The following NAALADL2 variants were observed in gnomAD, a reference collection of about 807,000 sequenced individuals.
The protein encoded by NAALADL2 is N-acetylated alpha-linked acidic dipeptidase like 2.
In NAALADL2, 76 loss-of-function variants were observed where a neutral mutation model predicts 87.2. That is an observed-to-expected ratio of 0.87 (90% CI 0.72 to 1.05). The LOEUF (loss-of-function observed/expected upper bound fraction) is 1.05. NAALADL2 is among the 50% of genes least tolerant of loss of function. NAALADL2 has a pLI of 0.00. For synonymous variants in NAALADL2, 354 were observed against 331.0 expected, an observed-to-expected ratio of 1.07 and a Z score of -0.75; for missense variants, 1,089 against 945.8, an observed-to-expected ratio of 1.15 and a Z score of -1.99.
At chr3:175,200,055 C>T (rs113129828) in intron 2 of NAALADL2, among the ~76,000 whole-genome samples, 40 of 151,242 alleles carry the variant, frequency 2.6e-4, no homozygotes, top group African/African-American at 9.5e-4. Context: ...GATTCTGTCT[C>T]TTTCAAAGGC....
chr3:174,935,403 A>T (rs1208873318), intron 1 of NAALADL2, among the ~76,000 whole-genome samples: 1 of 152,208 alleles, frequency 6.6e-6, no homozygotes, highest in Admixed American at 6.5e-5. Context: ...GTGACCAATT[A>T]AAAAGAAAAA....
At chr3:174,589,466 C>T (rs981944221) in intron 2 of NAALADL2, among the ~76,000 whole-genome samples, 3 of 152,300 alleles carry the variant, frequency 2.0e-5, no homozygotes, top group Admixed American at 6.5e-5. Flanking sequence ...ATGCTGGGAG[C>T]TGTAGACTGG....
At chr3:175,624,762 T>A (rs1196409176) in intron 10 of NAALADL2, among the ~76,000 whole-genome samples, 1 of 152,164 alleles carries the variant, frequency 6.6e-6, no homozygotes, top group South Asian at 2.1e-4. Context: ...ATGTATTTTA[T>A]TGGCATATAA....
chr3:174,815,081 T>A (rs1423298056), intron 3 of NAALADL2, among the ~76,000 whole-genome samples: 2 of 152,162 alleles, frequency 1.3e-5, no homozygotes, highest in Non-Finnish European at 2.9e-5. Flanking sequence ...AAACAAACTA[T>A]GTTAAAGGTC....
intron 2 of NAALADL2, among the ~76,000 whole-genome samples, chr3:174,593,112 C>T (rs1717548813): frequency 6.6e-6 from 1 of 152,070 alleles, no homozygotes. Context: ...TCAGAATTGT[C>T]AAATATATTC....
At chr3:175,262,257 C>T (rs1751161098) in intron 4 of NAALADL2, among the ~76,000 whole-genome samples, 1 of 151,972 alleles carries the variant, frequency 6.6e-6, no homozygotes, top group Admixed American at 6.6e-5. Context: ...TTACATGAAG[C>T]ATTTGCATAC....
chr3:175,552,405 G>A (rs963189035), intron 9 of NAALADL2, among the ~76,000 whole-genome samples: 1 of 152,214 alleles, frequency 6.6e-6, no homozygotes, highest in African/African-American at 2.4e-5. Flanking sequence ...TTAGTAGTTT[G>A]CAAATGACTA....
At chr3:175,060,742 G>A (rs1713272960) in intron 1 of NAALADL2, among the ~76,000 whole-genome samples, 1 of 152,144 alleles carries the variant, frequency 6.6e-6, no homozygotes, top group South Asian at 2.1e-4. Context: ...CAAGCTGACT[G>A]TGAGTTTATA....
In NAALADL2 at chr3:174,480,520, C is replaced by G. The variant is rs1208121590; in HGVS notation, c.-184+39488C>G. Among the ~76,000 whole-genome samples, 6 of 152,084 alleles carry G rather than the reference C, an allele frequency of 3.9e-5. No homozygotes were observed. The East Asian group carries it at 1.2e-3, about 29-fold the overall frequency. ...TTATTTAATACTATATATGATTTTA[C>G]TCTAGGAATATGTACATCTCCAAAA... On this transcript the variant is annotated intron_variant, in intron 1 of 3. Coordinates refer to the NAALADL2 transcript ENST00000434257.
At chr3:175,215,001 G>C (rs1456347463) in intron 2 of NAALADL2, among the ~76,000 whole-genome samples, 1 of 152,026 alleles carries the variant, frequency 6.6e-6, no homozygotes, top group Admixed American at 6.6e-5. Context: ...AAACTATACG[G>C]ACTAATTTTT....
chr3:175,234,263 T>G, intron 3 of NAALADL2, 59 bp downstream of exon 3: 2 of 1,527,552 alleles, frequency 1.3e-6, no homozygotes, highest in Non-Finnish European at 1.8e-6. Flanking sequence ...AATAACAGCT[T>G]TCATCTAAAT....
intron 13 of NAALADL2, among the ~76,000 whole-genome samples, chr3:175,759,702 G>A (rs745833860): frequency 4.6e-5 from 7 of 152,176 alleles, no homozygotes; most frequent in Non-Finnish European, 1.0e-4. Flanking sequence ...GGGCATGAGG[G>A]AATGATAGTA....
Position 175,123,454 on chromosome 3 carries a change from A to T in NAALADL2, c.545+26163A>T, listed in dbSNP as rs115817202. On this transcript the variant is annotated intron_variant, in intron 2 of 13. Transcript: ENST00000454872. ...TGCTTGGGTGCTATGCCCTAATAAA[A>T]ATTTGACATTGTTCTTGATATACTC... Among the ~76,000 whole-genome samples the T allele has an allele frequency of 1.9e-3, 294 of 152,044 alleles. 2 individuals carry two copies. The highest frequency in any genetic ancestry group is 6.8e-3 in the African/African-American group (282 of 41,524).
chr3:175,645,503 C>T (rs1004932631), intron 11 of NAALADL2, among the ~76,000 whole-genome samples: 3 of 151,960 alleles, frequency 2.0e-5, no homozygotes, highest in East Asian at 1.9e-4. Context: ...TAGTCTGGGA[C>T]GTCTGGAAAA....
chr3:174,533,570 T>TA (rs1440481435), intron 1 of NAALADL2, among the ~76,000 whole-genome samples: 8 of 145,500 alleles, frequency 5.5e-5, no homozygotes, highest in African/African-American at 2.0e-4. Flanking sequence ...AAATAAACAA[T>TA]ACAGGAACCA....
intron 1 of NAALADL2, among the ~76,000 whole-genome samples, chr3:174,538,736 C>A (rs1721951319): frequency 6.6e-6 from 1 of 152,134 alleles, no homozygotes; most frequent in Non-Finnish European, 1.5e-5. Context: ...TTATCTTAAT[C>A]CAGACCTTCC....
chr3:175,083,139 G>A (rs997163788), intron 1 of NAALADL2, among the ~76,000 whole-genome samples: 1 of 152,136 alleles, frequency 6.6e-6, no homozygotes, highest in African/African-American at 2.4e-5. Flanking sequence ...ATTCTAGGAT[G>A]GATTTTCCAG....
chr3:174,807,542 A>T (rs1719648551), intron 3 of NAALADL2, among the ~76,000 whole-genome samples: 2 of 152,048 alleles, frequency 1.3e-5, no homozygotes, highest in African/African-American at 2.4e-5. Flanking sequence ...CTTATTTGAC[A>T]TGTTGCCATG....
chr3:175,204,029 G>A (rs970138176), intron 2 of NAALADL2, among the ~76,000 whole-genome samples: 2 of 152,098 alleles, frequency 1.3e-5, no homozygotes, highest in African/African-American at 2.4e-5. Context: ...AAGAAGAATT[G>A]GTACCAATAG....
Sources: allele counts gnomAD v4.1 joint callset (sites outside exome capture counted in the v4.1 genomes callset), GRCh38; gene constraint gnomAD v4.1.1; transcripts MANE v1.5; gene names NCBI Gene and HGNC (gene_info 2026-07-23, HGNC 2026-07-21).